MED23: variants seen among roughly 807,000 people sequenced by gnomAD.
The protein encoded by MED23 is mediator complex subunit 23, also known as mediator of RNA polymerase II transcription subunit 23.
In MED23, 105 loss-of-function variants were observed where a neutral mutation model predicts 163.9. That is an observed-to-expected ratio of 0.64 (90% CI 0.55 to 0.75). The LOEUF (loss-of-function observed/expected upper bound fraction) is 0.75, where lower values mean the gene tolerates loss of function less well. Among genes scored for constraint, MED23 ranks in the 30% least tolerant of loss-of-function variants. MED23 has a pLI of 0.00. For missense variants in MED23, 1,054 were observed against 1,649.0 expected, an observed-to-expected ratio of 0.64 and a Z score of 6.25; for synonymous variants, 561 against 565.6, an observed-to-expected ratio of 0.99 and a Z score of 0.12.
chr6:131,575,348 C>G (rs200868452), intron 30 of MED23, among the ~76,000 whole-genome samples: 80 of 152,096 alleles, frequency 5.3e-4, no homozygotes, highest in Non-Finnish European at 9.4e-4. Flanking sequence ...GAGGAAAAGA[C>G]AAAAACAGAC....
In MED23 at chr6:131,593,182, T is replaced by G. The variant is rs1774776742; in HGVS notation, c.3233-11A>C. The G allele has an allele frequency of 6.2e-7, 1 of 1,614,122 alleles. No homozygotes were observed. The highest frequency in any genetic ancestry group is 8.5e-7 in the Non-Finnish European group (1 of 1,179,974). On this transcript the variant is annotated splice_polypyrimidine_tract_variant and intron_variant, in intron 23 of 28. Coordinates refer to ENST00000368068, the MANE Select transcript of MED23 (RefSeq NM_004830.4). ...ATTTGCCAGCCATCGGTGCACACAG[T>G]TAAAGCAATAACAATTGGACTATCT... is the stretch of plus-strand genomic sequence containing the variant.
chr6:131,615,368 A>T (rs1384837093), intron 10 of MED23: 35 of 1,608,820 alleles, frequency 2.2e-5, no homozygotes, highest in Non-Finnish European at 2.9e-5. Flanking sequence ...TGGGCAGGAC[A>T]AGACAGGACA....
chr6:131,606,414 A>G, intron 13 of MED23, 65 bp downstream of exon 13: 3 of 1,548,710 alleles, frequency 1.9e-6, no homozygotes, highest in South Asian at 1.1e-5. Context: ...ACCGAGACCA[A>G]TATTAGTCTA....
In MED23 at chr6:131,602,375, C is replaced by G; in HGVS notation, c.1938G>C (p.Glu646Asp). ...TNQNQLHLCV[E>D]STALRLITAL... ...CTGTTATAAGCCTGAGAGCAGTGCT[C>G]TCGACACTGAAAATTGGGAGAATAA... The change falls in exon 17 of 29, where the codon GAG (glutamate) becomes GAC (aspartate). Residue 646 changes from glutamate (E) to aspartate (D), a missense_variant. Coordinates refer to ENST00000368068, the MANE Select transcript of MED23 (RefSeq NM_004830.4). The G allele has an allele frequency of 6.2e-7, 1 of 1,612,374 alleles. No homozygotes were observed. The highest frequency in any genetic ancestry group is 8.5e-7 in the Non-Finnish European group (1 of 1,179,336).
At position 131,627,469 on chromosome 6, in the gene MED23, G is replaced by A. The variant is rs769354114; in HGVS notation, c.86C>T (p.Thr29Ile). Residue 29 changes from threonine (T) to isoleucine (I), a missense_variant, in exon 3 of 29, where the codon ACT (threonine) becomes ATT (isoleucine). Physicochemically the swap from Thr to Ile is moderately conservative, Grantham distance 89 (BLOSUM62 -1). This residue lies in a region of MED23 where 227 missense variants were observed against 235.5 expected (regional missense o/e 0.96). Transcript: ENST00000368068. ...EEAFPGMFMD[T>I]PEDEKTKLIS... is the part of the protein sequence containing the mutation. ...TAGTTTTGTTTTCTCATCTTCAGGA[G>A]TATCCATAAACATGCTAAAAAAATA... The A allele has an allele frequency of 6.2e-7, 1 of 1,613,106 alleles. No homozygotes were observed. The highest frequency in any genetic ancestry group is 1.3e-5 in the African/African-American group (1 of 74,796).
At chr6:131,602,089 A>T (rs1457649460) in intron 17 of MED23, 129 bp downstream of exon 17, 3 of 1,046,402 alleles carry the variant, frequency 2.9e-6, no homozygotes, top group Non-Finnish European at 4.3e-6. Context: ...TAGTGAAGAT[A>T]TCAAAACAAC....
At chr6:131,612,378 T>C (rs1776341796) in intron 10 of MED23, among the ~76,000 whole-genome samples, 1 of 151,948 alleles carries the variant, frequency 6.6e-6, no homozygotes, top group South Asian at 2.1e-4. Flanking sequence ...TAAAGACAGG[T>C]ACATTAAAAT....
chr6:131,575,843 C>T lies in MED23; in HGVS notation c.4096-1548G>A, dbSNP rs1773587564. ...TCAAAACGGCAAGGGTAGAACTTCC[C>T]ATCATACTGTTAAGCAGGCCAAAAC... On this transcript the variant is annotated intron_variant, in intron 30 of 30. Coordinates refer to the MED23 transcript ENST00000354577. 2.0e-5 allele frequency among the ~76,000 whole-genome samples: 3 copies of T among 152,120 alleles called. No homozygotes were observed. In the South Asian group the frequency reaches 6.2e-4, roughly 32 times the overall value.
intron 24 of MED23, 195 bp from the exon 25 acceptor site, chr6:131,592,655 T>G: frequency 1.6e-6 from 1 of 618,932 alleles, no homozygotes; most frequent in South Asian, 2.0e-5. Flanking sequence ...TTAAAAATAC[T>G]TCCTCCCCAA....
intron 11 of MED23, among the ~76,000 whole-genome samples, chr6:131,609,223 G>A (rs960344111): frequency 5.9e-5 from 9 of 152,068 alleles, no homozygotes; most frequent in African/African-American, 2.2e-4. Context: ...ATTCTCCTCT[G>A]CATTGCCTCC....
intron 6 of MED23, 81 bp downstream of exon 6, chr6:131,621,800 G>A (rs774627431): frequency 2.2e-5 from 17 of 777,040 alleles, no homozygotes; most frequent in Middle Eastern, 5.0e-4. Flanking sequence ...ACAAAATACC[G>A]TAAGTATTAA....
At chr6:131,579,463 A>G in intron 30 of MED23, 1 of 596,778 alleles carries the variant, frequency 1.7e-6, no homozygotes, top group Non-Finnish European at 2.8e-6. Context: ...ACTTCGCTCA[A>G]TTTGAAGTCT....
chr6:131,606,022 T>C (rs1436792423), intron 13 of MED23, among the ~76,000 whole-genome samples: 1 of 152,192 alleles, frequency 6.6e-6, no homozygotes, highest in Admixed American at 6.5e-5. Context: ...AAGAATGGTA[T>C]CTTCATTGAG....
At position 131,605,291 on chromosome 6, in the gene MED23, G is replaced by A. The variant is rs774140465; in HGVS notation, c.1562C>T (p.Thr521Ile). The A allele has an allele frequency of 1.9e-6, 3 of 1,613,276 alleles. No homozygotes were observed. Among genetic ancestry groups the A allele is most frequent in the Non-Finnish European group, 2.5e-6 (3 of 1,179,412 alleles). Reference protein sequence around the residue: ...GTNCMASGSITPLPMNLLDSL... With the variant: ...GTNCMASGSIIPLPMNLLDSL... The stretch of plus-strand genomic sequence containing the variant: ...ATCCAGGAGGTTCATAGGTAAGGGG[G>A]TAATAGATCCTGAAGCCATACAGTT... The change falls in exon 14 of 29, where the codon ACC becomes ATC. Residue 521 changes from threonine to isoleucine, a missense_variant. By Grantham distance (89) the Thr-to-Ile change is moderately conservative (BLOSUM62 -1). Transcript: ENST00000368068.
In MED23 at chr6:131,627,379, A is replaced by G. The variant is rs1249859324; in HGVS notation, c.159+17T>C. Reference sequence around the variant, plus strand: ...CCAAAAATCATCAGCTGAATGTATTAAAAATGAAGCGCTCACCTGAGAAAG... The same window carrying G: ...CCAAAAATCATCAGCTGAATGTATTGAAAATGAAGCGCTCACCTGAGAAAG... On this transcript the variant is annotated intron_variant, in intron 3 of 28. Transcript: ENST00000368068. 6.2e-7 allele frequency: 1 copy of G among 1,603,088 alleles called. No homozygotes were observed. Among genetic ancestry groups the G allele is most frequent in the Admixed American group, 1.7e-5 (1 of 59,796 alleles).
rs942001592 is a variant in MED23, at chr6:131,586,807, C to A, written c.*872G>T. 1 of 1,512,692 alleles carries A rather than the reference C, an allele frequency of 6.6e-7. No homozygotes were observed. The highest frequency in any genetic ancestry group is 1.2e-5 in the South Asian group (1 of 82,362). The allele number at this position is 1,512,692 out of a possible 1,614,324, so 93.7% of individuals were successfully genotyped here. On this transcript the variant is annotated 3_prime_UTR_variant, in exon 29 of 29. Transcript: ENST00000368068. ...TTTCAAGTCTTTCGCAATGCCAATT[C>A]CCCCAAAATTAACAATGTCTCTCAA...
intron 10 of MED23, chr6:131,615,187 T>G (rs1585546228): frequency 1.8e-6 from 1 of 557,360 alleles, no homozygotes. Flanking sequence ...AGAAATCGTT[T>G]TTTAGTGGCC....
At chr6:131,577,395 T>C (rs1773670482) in intron 30 of MED23, among the ~76,000 whole-genome samples, 2 of 152,156 alleles carry the variant, frequency 1.3e-5, no homozygotes, top group Non-Finnish European at 2.9e-5. Context: ...GTTCTACTCC[T>C]GGGTGCAGAG....
At chr6:131,574,633 G>C (rs756411775) in intron 30 of MED23, among the ~76,000 whole-genome samples, 12 of 151,874 alleles carry the variant, frequency 7.9e-5, no homozygotes, top group Non-Finnish European at 1.6e-4. Flanking sequence ...AAGTCATAGA[G>C]TAGAGAGGAT....
Sources: gnomAD v4.1 joint callset for allele counts (sites outside exome capture counted in the v4.1 genomes callset) on GRCh38, gnomAD v4.1.1 for gene constraint, gnomAD v4.1.1 regional missense constraint, MANE v1.5 for transcripts, NCBI Gene and HGNC (gene_info 2026-07-23, HGNC 2026-07-21) for gene names.